DLGAP1: variants seen among roughly 807,000 people sequenced by gnomAD.
DLGAP1 encodes DLG associated protein 1, also known as disks large-associated protein 1.
A neutral mutation model predicts 90.8 loss-of-function variants in DLGAP1; 11 were observed. The observed-to-expected ratio is 0.12, with a 90% CI of 0.08 to 0.20. DLGAP1 has a LOEUF of 0.20. Among genes scored for constraint, DLGAP1 ranks in the 10% least tolerant of loss-of-function variants. The pLI is 1.00. For missense variants in DLGAP1, 1,050 were observed against 1,333.8 expected, an observed-to-expected ratio of 0.79 and a Z score of 3.31; for synonymous variants, 558 against 540.7, an observed-to-expected ratio of 1.03 and a Z score of -0.44.
At position 3,729,994 on chromosome 18, in the gene DLGAP1, T is replaced by C. The variant is rs1213335547; in HGVS notation, c.1351-619A>G. Among the ~76,000 whole-genome samples, 3 of 152,228 alleles carry C rather than the reference T, an allele frequency of 2.0e-5. No homozygotes were observed. Among genetic ancestry groups the C allele is most frequent in the Non-Finnish European group, 4.4e-5 (3 of 68,054 alleles). On this transcript the variant is annotated intron_variant, in intron 6 of 12. Transcript: ENST00000315677. This position sits in a 1 kb window ranked among gnomAD's most constrained non-coding sequence, Gnocchi z 6.2. ...TGCCCTATATTTTCTGGCAAGATAC[T>C]CACGTTTTGCACAAAAATAGACTAA...
chr18:4,057,452 G>A (rs1039238306), intron 2 of DLGAP1, among the ~76,000 whole-genome samples: 4 of 152,162 alleles, frequency 2.6e-5, no homozygotes, highest in Admixed American at 6.5e-5. Flanking sequence ...AGGCCACTGC[G>A]CATGTGGACA....
chr18:3,797,546 G>A (rs183175263), intron 5 of DLGAP1, among the ~76,000 whole-genome samples: 1 of 152,210 alleles, frequency 6.6e-6, no homozygotes, highest in Admixed American at 6.5e-5. Flanking sequence ...AATACTACCA[G>A]ATGTAGGTCA....
At chr18:3,895,526 C>G (rs139059595) in intron 3 of DLGAP1, among the ~76,000 whole-genome samples, 2 of 152,190 alleles carry the variant, frequency 1.3e-5, no homozygotes, top group African/African-American at 4.8e-5. Flanking sequence ...GATGTCCCAA[C>G]GCATAGATGC....
chr18:3,642,984 A>G (rs958120158), intron 7 of DLGAP1, among the ~76,000 whole-genome samples: 4 of 152,358 alleles, frequency 2.6e-5, no homozygotes, highest in Admixed American at 6.5e-5. Context: ...TGAAACAACT[A>G]GACTCAAGTT....
At chr18:4,445,556 T>C (rs573288415) in intron 1 of DLGAP1, among the ~76,000 whole-genome samples, 1 of 151,046 alleles carries the variant, frequency 6.6e-6, no homozygotes, top group African/African-American at 2.4e-5. Context: ...TGTTTGGTTT[T>C]TTGTTCTTGC....
chr18:4,044,755 A>C (rs764944599), intron 2 of DLGAP1, among the ~76,000 whole-genome samples: 22 of 152,148 alleles, frequency 1.4e-4, no homozygotes, highest in Non-Finnish European at 2.6e-4. Flanking sequence ...AACAAAACAA[A>C]AAACAAACAA....
intron 1 of DLGAP1, among the ~76,000 whole-genome samples, chr18:4,281,588 G>A (rs1021006431): frequency 2.6e-5 from 4 of 152,106 alleles, no homozygotes; most frequent in Non-Finnish European, 5.9e-5. Flanking sequence ...AATTTGCACT[G>A]ATATTGGTTA....
At chr18:3,935,252 C>T (rs2072608157) in intron 3 of DLGAP1, among the ~76,000 whole-genome samples, 1 of 152,110 alleles carries the variant, frequency 6.6e-6, no homozygotes, top group Admixed American at 6.5e-5. Flanking sequence ...TTACTATACA[C>T]CGCTCCTTAG....
rs766781410 is a variant in DLGAP1, at chr18:3,814,203, C to T, written c.1028G>A (p.Arg343Gln). 2.5e-6 allele frequency: 4 copies of T among 1,614,148 alleles called. No individual in the cohort carries two copies. Among genetic ancestry groups the T allele is most frequent in the Non-Finnish European group, 1.7e-6 (2 of 1,180,022 alleles). Residue 343 changes from arginine (R) to glutamine (Q), a missense_variant, in exon 5 of 13, where the codon CGG (arginine) becomes CAG (glutamine). Physicochemically the swap from Arg to Gln is conservative, Grantham distance 43. This residue lies in a region of DLGAP1 where 565 missense variants were observed against 879.7 expected (regional missense o/e 0.64). Transcript: ENST00000315677. Reference protein sequence around the residue: ...KDDEIPCRRMRSGSYIKAMGD... With the variant: ...KDDEIPCRRMQSGSYIKAMGD... ...CATGGCCTTGATATAACTGCCACTC[C>T]GCATTCTTCGGCATGGAATTTCATC...
intron 1 of DLGAP1, among the ~76,000 whole-genome samples, chr18:4,165,628 A>T (rs1363219608): frequency 6.6e-6 from 1 of 152,206 alleles, no homozygotes; most frequent in Non-Finnish European, 1.5e-5. Context: ...TCTGATACTT[A>T]AGACAATCAT....
chr18:4,133,725 A>G (rs1296904474), intron 2 of DLGAP1, among the ~76,000 whole-genome samples: 1 of 152,158 alleles, frequency 6.6e-6, no homozygotes, highest in Non-Finnish European at 1.5e-5. Flanking sequence ...TCTGGTACGG[A>G]AGGATTCAAC....
At chr18:4,322,943 G>GAAC (rs1568513548) in intron 1 of DLGAP1, among the ~76,000 whole-genome samples, 1 of 97,612 alleles carries the variant, frequency 1.0e-5, no homozygotes. Flanking sequence ...CCTGGGCACA[G>GAAC]AAAAAAAAAA....
In DLGAP1 at chr18:3,604,595, G is replaced by A. The variant is rs375712385; in HGVS notation, c.1592-22347C>T. On this transcript the variant is annotated intron_variant, in intron 7 of 12. Coordinates refer to ENST00000315677, the MANE Select transcript of DLGAP1 (RefSeq NM_004746.4). ...TGCCCCGAGTTCAAGCCAAAACTCA[G>A]CATTATCTGTAAGCACTCCTTTGGG... Among the ~76,000 whole-genome samples the A allele has an allele frequency of 4.6e-5, 7 of 152,192 alleles. No individual in the cohort carries two copies. The South Asian group carries it at 8.3e-4, about 18-fold the overall frequency.
rs372216153 is a variant in DLGAP1 at position 3,897,943 on chromosome 18, C to T, written c.-72-17803G>A. On this transcript the variant is annotated intron_variant, in intron 3 of 12. Coordinates refer to ENST00000315677, the MANE Select transcript of DLGAP1 (RefSeq NM_004746.4). ...CCGAGTAGCTGGGACTACAGGCGCC[C>T]GCCACCGCGCCCGGCTAATTTTTTG... Among the ~76,000 whole-genome samples the T allele has an allele frequency of 2.1e-3, 323 of 151,502 alleles. 3 individuals carry two copies. The highest frequency in any genetic ancestry group is 0.02 in the East Asian group (99 of 5,068).
At chr18:3,574,451 G>A (rs566690527) in intron 8 of DLGAP1, among the ~76,000 whole-genome samples, 17 of 152,176 alleles carry the variant, frequency 1.1e-4, no homozygotes, top group Middle Eastern at 3.4e-3. Flanking sequence ...AATTCCTTCC[G>A]TAATCCAAAT....
chr18:4,156,271 C>A (rs2076754583), intron 1 of DLGAP1, among the ~76,000 whole-genome samples: 1 of 152,064 alleles, frequency 6.6e-6, no homozygotes, highest in Non-Finnish European at 1.5e-5. Flanking sequence ...GAAGTCTGGG[C>A]TGGAGTTTGT....
At chr18:4,310,630 G>A (rs747428486) in intron 1 of DLGAP1, among the ~76,000 whole-genome samples, 1 of 152,104 alleles carries the variant, frequency 6.6e-6, no homozygotes, top group Non-Finnish European at 1.5e-5. Context: ...TCCAGGCTGC[G>A]AGTTCTTTGG....
chr18:4,294,821 C>T (rs954739435), intron 1 of DLGAP1: 7 of 152,230 alleles, frequency 4.6e-5, no homozygotes, highest in Non-Finnish European at 8.8e-5. Flanking sequence ...AGGTGGAACT[C>T]AGCAGGATAG....
At chr18:4,256,211 G>C (rs1198049904) in intron 1 of DLGAP1, among the ~76,000 whole-genome samples, 3 of 152,122 alleles carry the variant, frequency 2.0e-5, no homozygotes, top group Non-Finnish European at 2.9e-5. Flanking sequence ...AAAATGAGAT[G>C]CCATCTCTAC....
Sources: gnomAD v4.1 joint callset for allele counts (sites outside exome capture counted in the v4.1 genomes callset) on GRCh38, gnomAD v4.1.1 for gene constraint, gnomAD v4.1.1 regional missense constraint, Gnocchi (gnomAD v3.1) non-coding constraint, MANE v1.5 for transcripts, NCBI Gene and HGNC (gene_info 2026-07-23, HGNC 2026-07-21) for gene names.